Variants in HEATR1 observed in about 807,000 individuals in gnomAD.
The protein encoded by HEATR1 is HEAT repeat-containing protein 1.
A neutral mutation model predicts 248.2 loss-of-function variants in HEATR1; 77 were observed. The observed-to-expected ratio is 0.31, with a 90% confidence interval of 0.26 to 0.37. The LOEUF is 0.37. Among genes scored for constraint, HEATR1 ranks in the 10% least tolerant of loss-of-function variants. The probability of loss-of-function intolerance (pLI) is 1.00; values close to 1 mark genes in which losing one functional copy is unlikely to be tolerated. For missense variants in HEATR1, 2,420 were observed against 2,504.9 expected, an observed-to-expected ratio of 0.97 and a Z score of 0.72; for synonymous variants, 897 against 923.1, an observed-to-expected ratio of 0.97 and a Z score of 0.51.
chr1:236,596,727 T>C (rs751308081), intron 6 of HEATR1, 109 bp downstream of exon 6: 4 of 1,066,842 alleles, frequency 3.7e-6, no homozygotes, highest in Admixed American at 2.5e-5. Flanking sequence ...TCAGCTATCA[T>C]CTGAAATAAA....
intron 19 of HEATR1, among the ~76,000 whole-genome samples, 185 bp from the exon 20 acceptor site, chr1:236,581,599 G>C (rs1663742989): frequency 6.6e-6 from 1 of 152,170 alleles, no homozygotes; most frequent in African/African-American, 2.4e-5. Context: ...TCAATGAAGA[G>C]TGATATTCAG....
chr1:236,578,104 A>C (rs1663612648), intron 20 of HEATR1, among the ~76,000 whole-genome samples: 2 of 152,172 alleles, frequency 1.3e-5, no homozygotes, highest in African/African-American at 4.8e-5. Flanking sequence ...TTTAGAAAGT[A>C]CCTCTCTCTA....
At position 236,595,686 on chromosome 1, in the gene HEATR1, A is replaced by G; in HGVS notation, c.957-13T>C. The G allele has an allele frequency of 6.2e-7, 1 of 1,608,146 alleles. No homozygotes were observed. The highest frequency in any genetic ancestry group is 8.5e-7 in the Non-Finnish European group (1 of 1,176,306). On this transcript the variant is annotated splice_polypyrimidine_tract_variant and intron_variant, in intron 7 of 44. Transcript: ENST00000366582. ...GTGAGGGAATGGCCTTTGAAGAAGC[A>G]AAAGTACATATCGTGTTGACTTTAC... is the stretch of plus-strand genomic sequence containing the variant.
chr1:236,558,357 G>A lies in HEATR1; in HGVS notation c.5084C>T (p.Thr1695Ile), dbSNP rs1663032784. Reference protein sequence around the residue: ...NPDPFVPVLNTAVKLIAPERK... With the variant: ...NPDPFVPVLNIAVKLIAPERK... ...CTCTGGAGCAATCAGTTTCACAGCA[G>A]TGTTCAGCACTGGGACAAAAGGATC... The change falls in exon 36 of 45, where the codon ACT (threonine) becomes ATT (isoleucine). Residue 1695 changes from threonine (T) to isoleucine (I), a missense_variant. Transcript: ENST00000366582. 1 of 1,614,152 alleles carries A rather than the reference G, an allele frequency of 6.2e-7. No individual in the cohort carries two copies.
chr1:236,567,996 T>G (rs957306410), intron 29 of HEATR1, among the ~76,000 whole-genome samples: 2 of 152,206 alleles, frequency 1.3e-5, no homozygotes, highest in African/African-American at 4.8e-5. Context: ...AGAAAACACT[T>G]GAATGAATGA....
chr1:236,587,338 TAGAA>T (rs945131342), intron 14 of HEATR1, 60 bp downstream of exon 14: 7 of 745,282 alleles, frequency 9.4e-6, no homozygotes, highest in African/African-American at 5.5e-5. Context: ...GAAGAAGAAA[TAGAA>T]AGAACTTGAT....
At chr1:236,602,890 C>T in intron 3 of HEATR1, 1 of 322,404 alleles carries the variant, frequency 3.1e-6, no homozygotes, top group Non-Finnish European at 5.8e-6. Context: ...CAATATTGCA[C>T]TCCAGCCTGA....
chr1:236,566,470 TG>T (rs1389929235), intron 30 of HEATR1, among the ~76,000 whole-genome samples, 175 bp downstream of exon 30: 3 of 152,188 alleles, frequency 2.0e-5, no homozygotes, highest in African/African-American at 7.2e-5. Context: ...CAGAGTGCTA[TG>T]GGCTCTGAAT....
At chr1:236,583,528 C>G (rs1283438042) in intron 17 of HEATR1, among the ~76,000 whole-genome samples, 1 of 146,754 alleles carries the variant, frequency 6.8e-6, no homozygotes, top group African/African-American at 2.5e-5. Context: ...GCTCTGTCAC[C>G]CAGGCTGGAG....
intron 31 of HEATR1, among the ~76,000 whole-genome samples, chr1:236,565,548 G>A (rs1663246903): frequency 6.6e-6 from 1 of 152,070 alleles, no homozygotes; most frequent in African/African-American, 2.4e-5. Context: ...ATATTTTGCT[G>A]CCACTCCTGT....
chr1:236,565,697 G>A (rs1446926718), intron 31 of HEATR1, among the ~76,000 whole-genome samples: 1 of 152,170 alleles, frequency 6.6e-6, no homozygotes, highest in Non-Finnish European at 1.5e-5. Context: ...CCACAGCCAA[G>A]ACGTCAGCGC....
At position 236,571,487 on chromosome 1, in the gene HEATR1, A is replaced by G. The variant is rs773519900; in HGVS notation, c.3827-15T>C. The G allele has an allele frequency of 6.2e-7, 1 of 1,613,628 alleles. No individual in the cohort carries two copies. ...ATCTAAAATATCTACAATGGTGAGA[A>G]AGACAAAAACCCTAAGTGGCAGGTA... On this transcript the variant is annotated splice_polypyrimidine_tract_variant and intron_variant, in intron 27 of 44. Coordinates refer to ENST00000366582, the MANE Select transcript of HEATR1 (RefSeq NM_018072.6).
intron 37 of HEATR1, 78 bp downstream of exon 37, chr1:236,557,117 A>G: frequency 6.8e-7 from 1 of 1,466,144 alleles, no homozygotes; most frequent in Non-Finnish European, 9.1e-7. Context: ...CCTTAAAGAA[A>G]AAACAAAATC....
intron 32 of HEATR1, among the ~76,000 whole-genome samples, chr1:236,563,019 C>T (rs1663173696): frequency 6.6e-6 from 1 of 152,222 alleles, no homozygotes; most frequent in Admixed American, 6.5e-5. Flanking sequence ...AGTGTCTACA[C>T]TGATCTCTCT....
At chr1:236,560,104 G>A (rs1159839342) in intron 33 of HEATR1, among the ~76,000 whole-genome samples, 1 of 149,024 alleles carries the variant, frequency 6.7e-6, no homozygotes, top group African/African-American at 2.6e-5. Context: ...TGCTGAAAGC[G>A]TTTAAGGAAC....
Position 236,591,973 on chromosome 1 carries a change from T to C in HEATR1, c.1422+20A>G. 1 of 1,413,278 alleles carries C rather than the reference T, an allele frequency of 7.1e-7. No individual in the cohort carries two copies. The highest frequency in any genetic ancestry group is 1.0e-6 in the Non-Finnish European group (1 of 1,003,928). 87.5% of individuals were successfully genotyped at this position (1,413,278 alleles called of 1,614,324 possible). ...CAAATGTACCCCAAATTGTCATAAT[T>C]CCTTTGGAGAACAACATACCTGATA... On this transcript the variant is annotated intron_variant, in intron 11 of 44. Coordinates refer to ENST00000366582, the MANE Select transcript of HEATR1 (RefSeq NM_018072.6).
At position 236,552,069 on chromosome 1, in the gene HEATR1, A is replaced by T; in HGVS notation, c.6276T>A (p.Ala2092=). ...CAATATAATTCTCCTTTAGTTTTTC[A>T]GCCAGTGCTAACACAGTAATCAAAG... is the stretch of plus-strand genomic sequence containing the variant. The part of the protein sequence containing the change: ...FAALITVLAL[A]EKLKENYIVL... Residue 2092 remains alanine, a synonymous_variant, in exon 44 of 45, where the codon GCT becomes GCA. Transcript: ENST00000366582. 1 of 1,613,622 alleles carries T rather than the reference A, an allele frequency of 6.2e-7. No homozygotes were observed. Among genetic ancestry groups the T allele is most frequent in the Non-Finnish European group, 8.5e-7 (1 of 1,179,764 alleles).
intron 12 of HEATR1, among the ~76,000 whole-genome samples, chr1:236,588,523 A>T (rs2799422): frequency 0.53 from 80,870 of 152,098 alleles, 23,536 homozygotes; most frequent in Non-Finnish European, 0.65. Flanking sequence ...ATTAAAAAAT[A>T]CATGTCAGTC....
chr1:236,599,413 T>A, intron 4 of HEATR1, 70 bp downstream of exon 4: 1 of 1,378,912 alleles, frequency 7.3e-7, no homozygotes, highest in Non-Finnish European at 9.8e-7. Flanking sequence ...CAATGACTTA[T>A]TTTTTCCTAA....
Sources: allele counts gnomAD v4.1 joint callset (sites outside exome capture counted in the v4.1 genomes callset), GRCh38; gene constraint gnomAD v4.1.1; transcripts MANE v1.5; gene names NCBI Gene and HGNC (gene_info 2026-07-23, HGNC 2026-07-21).